The following CELSR3 variants were observed in gnomAD, a reference collection of about 807,000 sequenced individuals.
CELSR3 encodes the protein cadherin EGF LAG seven-pass G-type receptor 3.
A neutral mutation model predicts 270.0 loss-of-function variants in CELSR3; 73 were observed. That is an observed-to-expected ratio of 0.27 (90% CI 0.22 to 0.33). The LOEUF (loss-of-function observed/expected upper bound fraction) is 0.33, where lower values mean the gene tolerates loss of function less well. Among genes scored for constraint, CELSR3 ranks in the 10% least tolerant of loss-of-function variants. The pLI is 1.00. For missense variants in CELSR3, 3,614 were observed against 4,533.8 expected, an observed-to-expected ratio of 0.80 and a Z score of 5.83; for synonymous variants, 1,780 against 1,905.4, an observed-to-expected ratio of 0.93 and a Z score of 1.71.
chr3:48,638,361 C>A, intron 34 of CELSR3, 129 bp from the exon 35 acceptor site: 1 of 712,412 alleles, frequency 1.4e-6, no homozygotes, highest in South Asian at 1.5e-5. Context: ...TCTTAGCCCC[C>A]AGCCCCTTCA....
intron 27 of CELSR3, 97 bp from the exon 28 acceptor site, chr3:48,643,774 ACGTG>A: frequency 7.0e-7 from 1 of 1,422,452 alleles, no homozygotes; most frequent in South Asian, 1.4e-5. Context: ...CACACACGAA[ACGTG>A]AAAAAAAGGA....
Position 48,644,161 on chromosome 3 carries a change from C to G in CELSR3, c.8165+55G>C. Reference sequence around the variant, plus strand: ...GAAGATCTGGGGGCCCCAGACCCCACCCAGGAGGGACCTGCCATCCTGAGA... The same window carrying G: ...GAAGATCTGGGGGCCCCAGACCCCAGCCAGGAGGGACCTGCCATCCTGAGA... On this transcript the variant is annotated intron_variant, in intron 27 of 34. Transcript: ENST00000164024. This position sits in a 1 kb window ranked among gnomAD's most constrained non-coding sequence, Gnocchi z 4.8. The G allele has an allele frequency of 1.9e-6, 3 of 1,548,262 alleles. No homozygotes were observed. The highest frequency in any genetic ancestry group is 2.7e-6 in the Non-Finnish European group (3 of 1,125,548).
Position 48,640,706 on chromosome 3 carries a change from C to G in CELSR3, c.9026-147G>C, listed in dbSNP as rs890706601. On this transcript the variant is annotated intron_variant, in intron 33 of 34. Coordinates refer to ENST00000164024, the MANE Select transcript of CELSR3 (RefSeq NM_001407.3). The surrounding 1 kb of genome is among the most constrained non-coding windows in gnomAD (Gnocchi z 7.5). Reference sequence around the variant, plus strand: ...CCCCTTGGGGAGCAGCAGAGGCAACCCTGGTGGTCCCAGAGAGGCAGCAGG... The same window carrying G: ...CCCCTTGGGGAGCAGCAGAGGCAACGCTGGTGGTCCCAGAGAGGCAGCAGG... 3.6e-6 allele frequency: 3 copies of G among 829,392 alleles called. No homozygotes were observed. Among genetic ancestry groups the G allele is most frequent in the African/African-American group, 3.5e-5 (2 of 57,796 alleles). 51.4% of individuals were successfully genotyped at this position (829,392 alleles called of 1,614,324 possible). A position where few individuals can be genotyped will look rare whatever the true frequency, so the allele number is the denominator to read the frequency against.
chr3:48,654,483 G>T lies in CELSR3; in HGVS notation c.4989-31C>A. ...GATCAGGGGTCTGGGTCATTGGTGG[G>T]ACTGGGGCCAGAGTAGAGTTGCTCC... On this transcript the variant is annotated intron_variant, in intron 6 of 34. Transcript: ENST00000164024. This position sits in a 1 kb window ranked among gnomAD's most constrained non-coding sequence, Gnocchi z 5.4. The T allele has an allele frequency of 6.5e-7, 1 of 1,542,798 alleles. No individual in the cohort carries two copies. Among genetic ancestry groups the T allele is most frequent in the South Asian group, 1.2e-5 (1 of 80,192 alleles).
chr3:48,640,301 G>T lies in CELSR3; in HGVS notation c.9284C>A (p.Pro3095His). 6.2e-7 allele frequency: 1 copy of T among 1,612,876 alleles called. No individual in the cohort carries two copies. Among genetic ancestry groups the T allele is most frequent in the Non-Finnish European group, 8.5e-7 (1 of 1,179,960 alleles). Residue 3095 changes from proline to histidine, a missense_variant, in exon 34 of 35, where the codon CCC (proline) becomes CAC (histidine). Pro to His is a moderately conservative substitution (Grantham distance 77). Coordinates refer to ENST00000164024, the MANE Select transcript of CELSR3 (RefSeq NM_001407.3). This position sits in a 1 kb window ranked among gnomAD's most constrained non-coding sequence, Gnocchi z 7.5. The stretch of plus-strand genomic sequence containing the variant: ...TTCCTGGGACCCTGGCCGGCTCAGG[G>T]GACGTAGAACAGGGGCAGGGGCTTC... ...LEEAPAPVLR[P>H]LSRPGSQECM...
At position 48,652,075 on chromosome 3, in the gene CELSR3, G is replaced by T; in HGVS notation, c.5752-27C>A. 1 of 1,510,212 alleles carries T rather than the reference G, an allele frequency of 6.6e-7. No homozygotes were observed. The highest frequency in any genetic ancestry group is 1.3e-5 in the South Asian group (1 of 74,722). The allele number at this position is 1,510,212 out of a possible 1,614,324, so 93.6% of individuals were successfully genotyped here. On this transcript the variant is annotated intron_variant, in intron 11 of 34. Transcript: ENST00000164024. This position sits in a 1 kb window ranked among gnomAD's most constrained non-coding sequence, Gnocchi z 4.3. ...TGTGGACACACAGCCAGCAAGGGGT[G>T]AGACCATGTTAAGGCACCTCAGCCT...
rs1326756202 is a variant in CELSR3 at position 48,645,745 on chromosome 3, A to G, written c.7587T>C (p.Arg2529=). ...GGGACACTGAACACAGCCCCACCTC[A>G]CGGGGAGAGGCATCCATGAGGACCC... ...TFGVLMDASP[R]ERLEGDLELL... The change falls in exon 23 of 35, where the codon CGT becomes CGC. Residue 2529 remains arginine (R), a synonymous_variant. Transcript: ENST00000164024. The surrounding 1 kb of genome is among the most constrained non-coding windows in gnomAD (Gnocchi z 5.4). 2 of 1,608,642 alleles carry G rather than the reference A, an allele frequency of 1.2e-6. No homozygotes were observed. Among genetic ancestry groups the G allele is most frequent in the Non-Finnish European group, 1.7e-6 (2 of 1,176,644 alleles).
In CELSR3 at chr3:48,656,688, C is replaced by T; in HGVS notation, c.4399+10G>A. ...TGCTTCCCCCAGCTCTGGCCCGGCGCCCTGCTCACCGGTGAAGCGCGGGCG... is the reference window on the plus strand; with the variant it reads ...TGCTTCCCCCAGCTCTGGCCCGGCGTCCTGCTCACCGGTGAAGCGCGGGCG... On this transcript the variant is annotated intron_variant, in intron 2 of 34. Transcript: ENST00000164024. 2.7e-6 allele frequency: 4 copies of T among 1,473,574 alleles called. No individual in the cohort carries two copies. Among genetic ancestry groups the T allele is most frequent in the Non-Finnish European group, 3.6e-6 (4 of 1,119,292 alleles). The allele number at this position is 1,473,574 out of a possible 1,614,324, so 91.3% of individuals were successfully genotyped here.
At chr3:48,649,313 C>T in intron 16 of CELSR3, 98 bp from the exon 17 acceptor site, 6 of 1,013,158 alleles carry the variant, frequency 5.9e-6, no homozygotes, top group Non-Finnish European at 8.9e-6. Context: ...ATCCCTGAGG[C>T]AGAAGTCAGA....
chr3:48,641,538 T>A lies in CELSR3; in HGVS notation c.8825-14A>T, dbSNP rs9878063. ...TGCCATCCACATCTGTGGAGCCAGG[T>A]CAGGTTACAGGAGCTTCTGGGTTGA... On this transcript the variant is annotated splice_polypyrimidine_tract_variant and intron_variant, in intron 32 of 34. Coordinates refer to ENST00000164024, the MANE Select transcript of CELSR3 (RefSeq NM_001407.3). The surrounding 1 kb of genome is among the most constrained non-coding windows in gnomAD (Gnocchi z 4.8). 1.2e-6 allele frequency: 2 copies of A among 1,603,064 alleles called. No individual in the cohort carries two copies. The highest frequency in any genetic ancestry group is 2.2e-5 in the East Asian group (1 of 44,814).
At chr3:48,649,797 C>A (rs2047120863) in intron 16 of CELSR3, among the ~76,000 whole-genome samples, 2 of 152,160 alleles carry the variant, frequency 1.3e-5, no homozygotes, top group South Asian at 2.1e-4. Flanking sequence ...GAGAGCCTAA[C>A]TTAATCACAG....
At position 48,653,552 on chromosome 3, in the gene CELSR3, C is replaced by T; in HGVS notation, c.5448+67G>A. The T allele has an allele frequency of 1.3e-6, 2 of 1,567,518 alleles. No homozygotes were observed. Among genetic ancestry groups the T allele is most frequent in the African/African-American group, 1.3e-5 (1 of 74,246 alleles). On this transcript the variant is annotated intron_variant, in intron 9 of 34. Coordinates refer to ENST00000164024, the MANE Select transcript of CELSR3 (RefSeq NM_001407.3). The surrounding 1 kb of genome is among the most constrained non-coding windows in gnomAD (Gnocchi z 6.5). ...ATGCTGTGTGACCAACCTGAACCCA[C>T]AAGAATGTCAGTGGCGGCCTAAGAG...
In CELSR3 at chr3:48,661,394, G is replaced by A. The variant is rs201759202; in HGVS notation, c.1241C>T (p.Ser414Leu). 40 of 1,612,602 alleles carry A rather than the reference G, an allele frequency of 2.5e-5. 1 individual carries two copies. In the Admixed American group the frequency reaches 6.2e-4, roughly 25 times the overall value. ...TGTCACGGCCACCATCGTGGTGGCC[G>A]AGAGGCGCGGCGACCCGTGGTCCTG... ...TAQDHGSPRL[S>L]ATTMVAVTVA... Residue 414 changes from serine (S) to leucine (L), a missense_variant, in exon 1 of 35, where the codon TCG becomes TTG. Coordinates refer to ENST00000164024, the MANE Select transcript of CELSR3 (RefSeq NM_001407.3).
In CELSR3 at chr3:48,661,448, A is replaced by G. The variant is rs1192455185; in HGVS notation, c.1187T>C (p.Met396Thr). 2 of 1,610,572 alleles carry G rather than the reference A, an allele frequency of 1.2e-6. No individual in the cohort carries two copies. Among genetic ancestry groups the G allele is most frequent in the South Asian group, 1.1e-5 (1 of 90,982 alleles). The change falls in exon 1 of 35, where the codon ATG becomes ACG. Residue 396 changes from methionine (M) to threonine (T), a missense_variant. Physicochemically the swap from Met to Thr is moderately conservative, Grantham distance 81. This residue lies in a region of CELSR3 where 354 missense variants were observed against 500.9 expected (regional missense o/e 0.71). Transcript: ENST00000164024. ...GGTCACACGCAGGTAGTGACGCTCC[A>G]TGCTCTCGCGGTCCAGAGCTGCCGC... Reference protein sequence around the residue: ...RTAAALDRESMERHYLRVTAQ... With the variant: ...RTAAALDRESTERHYLRVTAQ...
rs768037635 is a variant in CELSR3, at chr3:48,646,196, T to C, written c.7357A>G (p.Asn2453Asp). ...VVSVAVFHGR[N>D]FLRGILESPI... is the part of the protein sequence containing the mutation. ...GACTCCAGGATTCCCCTTAGGAAGT[T>C]GCGTCCGTGGAACACAGCCACGCTG... is the stretch of plus-strand genomic sequence containing the variant. Residue 2453 changes from asparagine (N) to aspartate (D), a missense_variant, in exon 22 of 35, where the codon AAC becomes GAC. By Grantham distance (23) the Asn-to-Asp change is conservative. This residue lies in a region of CELSR3 where 1,240 missense variants were observed against 1,351.7 expected (regional missense o/e 0.92). Transcript: ENST00000164024. This position sits in a 1 kb window ranked among gnomAD's most constrained non-coding sequence, Gnocchi z 4.8. 7 of 1,612,640 alleles carry C rather than the reference T, an allele frequency of 4.3e-6. No homozygotes were observed. Among genetic ancestry groups the C allele is most frequent in the Non-Finnish European group, 5.9e-6 (7 of 1,179,942 alleles).
In CELSR3 at chr3:48,661,202, G is replaced by C. The variant is rs767320915; in HGVS notation, c.1433C>G (p.Ala478Gly). 36 of 1,599,304 alleles carry C rather than the reference G, an allele frequency of 2.3e-5. No homozygotes were observed. Among genetic ancestry groups the C allele is most frequent in the Non-Finnish European group, 2.9e-5 (34 of 1,172,540 alleles). ...GAAGGCGGCGGCAGCTGCAGCGCGC[G>C]CAGCTGGCGGCCCCACGAAGCGGTA... ...LRYRFVGPPA[A>G]RAAAAAAFEI... The change falls in exon 1 of 35, where the codon GCG becomes GGG. Residue 478 changes from alanine (A) to glycine (G), a missense_variant. Transcript: ENST00000164024.
chr3:48,655,262 G>A lies in CELSR3; in HGVS notation c.4830+44C>T, dbSNP rs920708108. On this transcript the variant is annotated intron_variant, in intron 5 of 34. Coordinates refer to ENST00000164024, the MANE Select transcript of CELSR3 (RefSeq NM_001407.3). This position sits in a 1 kb window ranked among gnomAD's most constrained non-coding sequence, Gnocchi z 5.8. Reference sequence around the variant, plus strand: ...AGTAACCCCTGAGGAGCAGAAGTCAGCATCCCAACTCCCCTCATACCCGAT... The same window carrying A: ...AGTAACCCCTGAGGAGCAGAAGTCAACATCCCAACTCCCCTCATACCCGAT... The A allele has an allele frequency of 7.4e-6, 12 of 1,613,874 alleles. No individual in the cohort carries two copies. Among genetic ancestry groups the A allele is most frequent in the Non-Finnish European group, 1.0e-5 (12 of 1,179,926 alleles).
At position 48,644,814 on chromosome 3, in the gene CELSR3, G is replaced by C; in HGVS notation, c.7987C>G (p.Leu2663Val). 6.2e-7 allele frequency: 1 copy of C among 1,613,276 alleles called. No homozygotes were observed. The highest frequency in any genetic ancestry group is 1.3e-5 in the African/African-American group (1 of 75,050). ...GGGTTCCCATAGCCCTCAGGGTCCA[G>C]GCCCACAGCAAGGCCTTGGGAAGAG... Reference protein sequence around the residue: ...PAVLLGLAVGLDPEGYGNPDF... With the variant: ...PAVLLGLAVGVDPEGYGNPDF... Residue 2663 changes from leucine to valine, a missense_variant, in exon 26 of 35, where the codon CTG becomes GTG. By Grantham distance (32) the Leu-to-Val change is conservative. Around this residue, in one of 7 missense-constraint regions of CELSR3, gnomAD observed 1,240 missense variants for 1,351.7 expected, o/e 0.92. Coordinates refer to ENST00000164024, the MANE Select transcript of CELSR3 (RefSeq NM_001407.3). This position sits in a 1 kb window ranked among gnomAD's most constrained non-coding sequence, Gnocchi z 4.8.
Position 48,657,310 on chromosome 3 carries a change from C to T in CELSR3, c.3787G>A (p.Val1263Met). 6.8e-6 allele frequency: 11 copies of T among 1,609,046 alleles called. No homozygotes were observed. Among genetic ancestry groups the T allele is most frequent in the Non-Finnish European group, 9.3e-6 (11 of 1,177,950 alleles). ...HSVTAQCVLR[V>M]VIITEELLAN... Reference sequence around the variant, plus strand: ...AGCAACTCCTCCGTGATGATGACCACGCGCAGCACACACTGCGCCGTCACG... The same window carrying T: ...AGCAACTCCTCCGTGATGATGACCATGCGCAGCACACACTGCGCCGTCACG... The change falls in exon 2 of 35, where the codon GTG becomes ATG. Residue 1263 changes from valine (V) to methionine (M), a missense_variant. Val to Met is a conservative substitution (Grantham distance 21). Around this residue, in one of 7 missense-constraint regions of CELSR3, gnomAD observed 1,331 missense variants for 1,933.7 expected, o/e 0.69. Coordinates refer to ENST00000164024, the MANE Select transcript of CELSR3 (RefSeq NM_001407.3). The surrounding 1 kb of genome is among the most constrained non-coding windows in gnomAD (Gnocchi z 5.4).
Sources: gnomAD v4.1 joint callset for allele counts (sites outside exome capture counted in the v4.1 genomes callset) on GRCh38, gnomAD v4.1.1 for gene constraint, gnomAD v4.1.1 regional missense constraint, Gnocchi (gnomAD v3.1) non-coding constraint, MANE v1.5 for transcripts, NCBI Gene and HGNC (gene_info 2026-07-23, HGNC 2026-07-21) for gene names.